The following SFI1 variants were observed in gnomAD, a reference collection of about 807,000 sequenced individuals.
SFI1 encodes SFI1 centrin binding protein.
Under a neutral mutation model 207.5 loss-of-function variants are expected in SFI1, and 195 were observed. The ratio of observed to expected loss-of-function variants is 0.94; its 90% CI spans 0.84 to 1.06. SFI1 has a LOEUF of 1.06. Among genes scored for constraint, SFI1 ranks in the 50% least tolerant of loss-of-function variants. The probability of loss-of-function intolerance (pLI) is 0.00; values close to 1 mark genes in which losing one functional copy is unlikely to be tolerated. For synonymous variants in SFI1, 630 were observed against 598.9 expected (o/e 1.05, Z -0.76); for missense variants, 1,634 against 1,588.0 (o/e 1.03, Z -0.49).
chr22:31,505,944 G>C (rs2054567632), intron 1 of SFI1, among the ~76,000 whole-genome samples: 2 of 151,710 alleles, frequency 1.3e-5, no homozygotes, highest in South Asian at 4.2e-4. Context: ...GTAACACTTT[G>C]GGAGGCTGAG....
At chr22:31,506,492 A>G (rs2054659245) in intron 1 of SFI1, among the ~76,000 whole-genome samples, 1 of 152,212 alleles carries the variant, frequency 6.6e-6, no homozygotes, top group South Asian at 2.1e-4. Context: ...AAGGTGCTGA[A>G]GCATCTAGAC....
chr22:31,601,110 C>T (rs921123336), intron 15 of SFI1, among the ~76,000 whole-genome samples: 5 of 149,596 alleles, frequency 3.3e-5, no homozygotes, highest in African/African-American at 1.2e-4. Flanking sequence ...GGTTCCCAAA[C>T]CTTTTTACTT....
intron 13 of SFI1, among the ~76,000 whole-genome samples, 160 bp from the exon 14 acceptor site, chr22:31,584,908 A>G (rs1172085864): frequency 1.3e-5 from 2 of 152,190 alleles, no homozygotes; most frequent in East Asian, 1.9e-4. Flanking sequence ...GACAAATTTT[A>G]TATTAGATAT....
intron 7 of SFI1, among the ~76,000 whole-genome samples, chr22:31,558,770 C>T (rs2061406469): frequency 6.6e-6 from 1 of 151,996 alleles, no homozygotes; most frequent in Non-Finnish European, 1.5e-5. Context: ...AGCCACCGCG[C>T]CTGGCCTGAG....
chr22:31,563,483 G>A (rs2148330613), intron 8 of SFI1, among the ~76,000 whole-genome samples: 1 of 152,244 alleles, frequency 6.6e-6, no homozygotes, highest in East Asian at 1.9e-4. Flanking sequence ...AACTGTGCTA[G>A]TTTTCTTCCC....
At position 31,616,769 on chromosome 22, in the gene SFI1, A is replaced by G; in HGVS notation, c.3325A>G (p.Arg1109Gly). The change falls in exon 30 of 33, where the codon AGG becomes GGG. Residue 1109 changes from arginine to glycine, a missense_variant. Arg to Gly is a moderately radical substitution (Grantham distance 125, BLOSUM62 -2). Coordinates refer to ENST00000400288, the MANE Select transcript of SFI1 (RefSeq NM_001007467.3). ...ARVSAQRATP[R>G]DKPPVPSSLA... ...GGTGTCAGCACAGCGGGCTACTCCT[A>G]GGGATAAGCCCCCGGTCCCCTCATC... The G allele has an allele frequency of 6.3e-7, 1 of 1,577,700 alleles. No homozygotes were observed. The highest frequency in any genetic ancestry group is 1.2e-5 in the South Asian group (1 of 84,924).
chr22:31,617,137 G>T, intron 31 of SFI1, 59 bp downstream of exon 31: 1 of 1,575,608 alleles, frequency 6.3e-7, no homozygotes. Flanking sequence ...GCCTGGAGAG[G>T]TGGGCAGGCA....
chr22:31,556,165 CTTT>C (rs1400336995), intron 6 of SFI1, among the ~76,000 whole-genome samples: 2 of 149,192 alleles, frequency 1.3e-5, no homozygotes, highest in East Asian at 4.1e-4. Context: ...ATTTCTTCTT[CTTT>C]AGCTTTGTAT....
At position 31,541,082 on chromosome 22, in the gene SFI1, C is replaced by T. The variant is rs1037373334; in HGVS notation, c.339-5779C>T. On this transcript the variant is annotated intron_variant, in intron 4 of 32. Coordinates refer to ENST00000400288, the MANE Select transcript of SFI1 (RefSeq NM_001007467.3). ...TGAATAATGGGATCCAGGGGCCTAACCACTTCTGACACATAGGCTTGCAAA... is the reference window on the plus strand; with the variant it reads ...TGAATAATGGGATCCAGGGGCCTAATCACTTCTGACACATAGGCTTGCAAA... Among the ~76,000 whole-genome samples, 3 of 152,234 alleles carry T rather than the reference C, an allele frequency of 2.0e-5. No individual in the cohort carries two copies. In the East Asian group the frequency reaches 5.8e-4, roughly 29 times the overall value.
rs547424384 is a variant in SFI1, at chr22:31,593,175, C to A, written c.1544+3598C>A. Reference sequence around the variant, plus strand: ...CTTCCCGGACGGGGTGGCTGCCGGGCGGAGACGCTCCTCACCTCCCAGATG... The same window carrying A: ...CTTCCCGGACGGGGTGGCTGCCGGGAGGAGACGCTCCTCACCTCCCAGATG... On this transcript the variant is annotated intron_variant, in intron 15 of 32. Transcript: ENST00000400288. Among the ~76,000 whole-genome samples the A allele has an allele frequency of 2.2e-3, 336 of 151,014 alleles. 1 individual carries two copies. The highest frequency in any genetic ancestry group is 7.5e-3 in the African/African-American group (305 of 40,888).
Position 31,604,340 on chromosome 22 carries a change from A to G in SFI1, c.1913A>G (p.Lys638Arg). Residue 638 changes from lysine (K) to arginine (R), a missense_variant, in exon 19 of 33, where the codon AAG (lysine) becomes AGG (arginine). Physicochemically the swap from Lys to Arg is conservative, Grantham distance 26 (BLOSUM62 2). Coordinates refer to ENST00000400288, the MANE Select transcript of SFI1 (RefSeq NM_001007467.3). Reference sequence around the variant, plus strand: ...GCCCTGCGGGGAGCGGAGCGGCAGAAGCTGATGCGAGCAGACCTGCACCAC... The same window carrying G: ...GCCCTGCGGGGAGCGGAGCGGCAGAGGCTGATGCGAGCAGACCTGCACCAC... ...CLALRGAERQKLMRADLHHQH... is the reference protein window; with the variant it reads ...CLALRGAERQRLMRADLHHQH... The G allele has an allele frequency of 3.2e-6, 5 of 1,580,230 alleles. No individual in the cohort carries two copies. The highest frequency in any genetic ancestry group is 4.3e-6 in the Non-Finnish European group (5 of 1,165,236).
intron 1 of SFI1, among the ~76,000 whole-genome samples, chr22:31,504,488 G>A (rs765714650): frequency 3.3e-5 from 5 of 152,098 alleles, no homozygotes; most frequent in Non-Finnish European, 4.4e-5. Flanking sequence ...ATGCATCACC[G>A]TTACTCAACA....
At chr22:31,562,873 T>C (rs1205375295) in intron 8 of SFI1, among the ~76,000 whole-genome samples, 1 of 151,976 alleles carries the variant, frequency 6.6e-6, no homozygotes, top group Non-Finnish European at 1.5e-5. Context: ...GACCTTGTGA[T>C]GGCCTGCATC....
At chr22:31,518,093 TCTC>T (rs973986914) in intron 2 of SFI1, among the ~76,000 whole-genome samples, 124 of 152,310 alleles carry the variant, frequency 8.1e-4, no homozygotes, top group African/African-American at 1.9e-3. Context: ...TTCAAGCCAT[TCTC>T]CTGCCTCAGC....
intron 22 of SFI1, among the ~76,000 whole-genome samples, chr22:31,609,676 C>T (rs2147210522): frequency 6.6e-6 from 1 of 152,360 alleles, no homozygotes; most frequent in East Asian, 1.9e-4. Flanking sequence ...TGGGGTCAGC[C>T]ATCCCACACG....
intron 20 of SFI1, chr22:31,606,013 C>T: frequency 1.3e-5 from 4 of 314,574 alleles, no homozygotes; most frequent in Non-Finnish European, 2.4e-5. Flanking sequence ...TCTCTCCACA[C>T]TTCTCTTATC....
At chr22:31,616,700 C>T in intron 29 of SFI1, 45 bp from the exon 30 acceptor site, 4 of 1,504,452 alleles carry the variant, frequency 2.7e-6, no homozygotes, top group Non-Finnish European at 3.5e-6. Context: ...TCCCTGGCTT[C>T]CTCCTAGCTT....
At chr22:31,542,158 TC>T (rs2059602382) in intron 4 of SFI1, among the ~76,000 whole-genome samples, 2 of 149,980 alleles carry the variant, frequency 1.3e-5, no homozygotes, top group Admixed American at 1.3e-4. Flanking sequence ...CTATAATCTC[TC>T]CCCCACCCCC....
chr22:31,539,927 G>C (rs5998033), intron 4 of SFI1, among the ~76,000 whole-genome samples: 145 of 152,196 alleles, frequency 9.5e-4, no homozygotes, highest in African/African-American at 3.3e-3. Context: ...CGTTGGTCAG[G>C]CTGGTCTCAA....
Sources: allele counts gnomAD v4.1 joint callset (sites outside exome capture counted in the v4.1 genomes callset), GRCh38; gene constraint gnomAD v4.1.1; transcripts MANE v1.5; gene names NCBI Gene and HGNC (gene_info 2026-07-23, HGNC 2026-07-21).